ARL15: variants seen among roughly 807,000 people sequenced by gnomAD.
The protein encoded by ARL15 is ARF like GTPase 15.
Under a neutral mutation model 25.2 loss-of-function variants are expected in ARL15, and 19 were observed. The observed-to-expected ratio is 0.75, with a 90% CI of 0.53 to 1.10. The LOEUF (loss-of-function observed/expected upper bound fraction) is 1.10. Among genes scored for constraint, ARL15 ranks in the 50% least tolerant of loss-of-function variants. The pLI is 0.00. For synonymous variants in ARL15, 94 were observed against 86.8 expected (o/e 1.08, Z -0.46); for missense variants, 220 against 246.0 (o/e 0.89, Z 0.71).
At chr5:54,001,596 T>C (rs906267259) in intron 4 of ARL15, among the ~76,000 whole-genome samples, 5 of 152,334 alleles carry the variant, frequency 3.3e-5, no homozygotes, top group African/African-American at 1.2e-4. Context: ...AGGTTTGTTT[T>C]TAAGGGCTTT....
chr5:54,308,326 G>A (rs1758813367), intron 1 of ARL15, among the ~76,000 whole-genome samples: 1 of 152,206 alleles, frequency 6.6e-6, no homozygotes, highest in Non-Finnish European at 1.5e-5. Flanking sequence ...CACCTCCAAA[G>A]AGTAGCCACT....
At chr5:54,277,112 C>T (rs1416029801) in intron 1 of ARL15, among the ~76,000 whole-genome samples, 2 of 151,952 alleles carry the variant, frequency 1.3e-5, no homozygotes. Flanking sequence ...TAGGATTTGT[C>T]CAGACCTAAA....
chr5:53,994,288 T>C (rs1383889188), intron 4 of ARL15, among the ~76,000 whole-genome samples: 2 of 152,230 alleles, frequency 1.3e-5, no homozygotes, highest in Non-Finnish European at 2.9e-5. Flanking sequence ...TTCTGACTAA[T>C]GCAATGATGC....
chr5:54,081,480 T>C (rs168861), intron 4 of ARL15, among the ~76,000 whole-genome samples: 117,887 of 152,058 alleles, frequency 0.78, 45,964 homozygotes, highest in Non-Finnish European at 0.8. Flanking sequence ...ACCCAAGTCT[T>C]ATCTTGAATT....
chr5:54,011,378 T>C (rs555279182), intron 4 of ARL15, among the ~76,000 whole-genome samples: 1 of 152,346 alleles, frequency 6.6e-6, no homozygotes, highest in South Asian at 2.1e-4. Flanking sequence ...GTGCATTTCT[T>C]AAAATGAGCA....
chr5:54,222,057 A>G (rs74830414), intron 1 of ARL15, among the ~76,000 whole-genome samples: 3 of 152,266 alleles, frequency 2.0e-5, no homozygotes, highest in East Asian at 3.8e-4. Context: ...GAGGATGGAA[A>G]GTAAAAATGA....
intron 4 of ARL15, among the ~76,000 whole-genome samples, chr5:53,949,844 C>A (rs1159661807): frequency 6.6e-6 from 1 of 152,164 alleles, no homozygotes; most frequent in Non-Finnish European, 1.5e-5. Context: ...TTCCAAAAGA[C>A]TGCTCGTATG....
At chr5:54,004,391 G>T (rs889245330) in intron 4 of ARL15, among the ~76,000 whole-genome samples, 1 of 151,868 alleles carries the variant, frequency 6.6e-6, no homozygotes, top group Non-Finnish European at 1.5e-5. Flanking sequence ...TACTCAGGAG[G>T]CTGAGGCAGG....
intron 1 of ARL15, among the ~76,000 whole-genome samples, chr5:54,284,140 G>A (rs1248931966): frequency 1.3e-5 from 2 of 152,120 alleles, no homozygotes; most frequent in Non-Finnish European, 1.5e-5. Context: ...GTCTCACTTG[G>A]TTGCCCAGGC....
intron 1 of ARL15, among the ~76,000 whole-genome samples, chr5:54,228,529 A>G (rs1207061216): frequency 2.0e-5 from 3 of 149,558 alleles, no homozygotes; most frequent in African/African-American, 7.4e-5. Flanking sequence ...GAGAAAGTCA[A>G]TTAATAATTA....
At chr5:54,065,153 AAG>A (rs1466617687) in intron 4 of ARL15, among the ~76,000 whole-genome samples, 1 of 152,250 alleles carries the variant, frequency 6.6e-6, no homozygotes, top group Non-Finnish European at 1.5e-5. Context: ...TGCAAAATAA[AAG>A]AGTTTTAATA....
intron 4 of ARL15, among the ~76,000 whole-genome samples, chr5:53,906,140 T>G (rs1440483820): frequency 6.6e-6 from 1 of 152,218 alleles, no homozygotes; most frequent in Admixed American, 6.5e-5. Context: ...TCATAAAACA[T>G]ACGGAAATGC....
At chr5:54,063,764 A>G (rs1440715842) in intron 4 of ARL15, among the ~76,000 whole-genome samples, 7 of 152,202 alleles carry the variant, frequency 4.6e-5, no homozygotes, top group Non-Finnish European at 5.9e-5. Context: ...TGCTGGACTA[A>G]CACAAATTAC....
intron 4 of ARL15, among the ~76,000 whole-genome samples, chr5:54,075,776 T>G (rs1751579191): frequency 6.6e-6 from 1 of 152,180 alleles, no homozygotes; most frequent in Non-Finnish European, 1.5e-5. Flanking sequence ...TGTGGGCCAC[T>G]GCACCCAGTC....
At chr5:53,980,768 G>T (rs1484043764) in intron 4 of ARL15, among the ~76,000 whole-genome samples, 1 of 152,068 alleles carries the variant, frequency 6.6e-6, no homozygotes, top group Non-Finnish European at 1.5e-5. Context: ...AATGTTTAAG[G>T]AAAAGAAAAC....
In ARL15 at chr5:54,011,977, C is replaced by G. The variant is rs1245414970; in HGVS notation, c.462+101225G>C. 2.6e-5 allele frequency among the ~76,000 whole-genome samples: 4 copies of G among 151,900 alleles called. No individual in the cohort carries two copies. The East Asian group carries it at 7.8e-4, about 29-fold the overall frequency. ...TGAGCTGAGATCGCGCCACTGCACCCTAGCCTGGCAACAGAGCAAGACTCT... is the reference window on the plus strand; with the variant it reads ...TGAGCTGAGATCGCGCCACTGCACCGTAGCCTGGCAACAGAGCAAGACTCT... On this transcript the variant is annotated intron_variant, in intron 4 of 4. Transcript: ENST00000504924.
chr5:54,241,480 ACT>A (rs1440721804), intron 1 of ARL15, among the ~76,000 whole-genome samples: 2 of 152,134 alleles, frequency 1.3e-5, no homozygotes, highest in African/African-American at 2.4e-5. Context: ...AATTATAGTT[ACT>A]CATAGGTTCT....
intron 4 of ARL15, among the ~76,000 whole-genome samples, chr5:53,902,597 G>A (rs1409560577): frequency 2.0e-5 from 3 of 152,196 alleles, no homozygotes; most frequent in Non-Finnish European, 2.9e-5. Flanking sequence ...TATTGGCCTT[G>A]TGGTACTATG....
At chr5:54,158,347 T>C (rs1370084689) in intron 2 of ARL15, among the ~76,000 whole-genome samples, 1 of 152,198 alleles carries the variant, frequency 6.6e-6, no homozygotes, top group Non-Finnish European at 1.5e-5. Context: ...TTTTCCAGTA[T>C]TCAGTACCCC....
Sources: gnomAD v4.1 joint callset for allele counts (sites outside exome capture counted in the v4.1 genomes callset) on GRCh38, gnomAD v4.1.1 for gene constraint, MANE v1.5 for transcripts, NCBI Gene and HGNC (gene_info 2026-07-23, HGNC 2026-07-21) for gene names.